The following ANKRD13C variants were observed in gnomAD, a reference collection of about 807,000 sequenced individuals.
The protein encoded by ANKRD13C is ankyrin repeat domain 13C, also known as ankyrin repeat domain-containing protein 13C.
ANKRD13C carries 16 observed loss-of-function variants against 65.5 expected under a neutral mutation model. The ratio of observed to expected loss-of-function variants is 0.24; its 90% CI spans 0.17 to 0.37. The LOEUF (loss-of-function observed/expected upper bound fraction) is 0.37. Ranked by LOEUF, ANKRD13C falls within the 10% of genes least tolerant of loss-of-function variation. ANKRD13C has a pLI of 1.00. For missense variants in ANKRD13C, 503 were observed against 655.9 expected, an observed-to-expected ratio of 0.77 and a Z score of 2.55; for synonymous variants, 235 against 238.7, an observed-to-expected ratio of 0.98 and a Z score of 0.14.
intron 8 of ANKRD13C, among the ~76,000 whole-genome samples, chr1:70,294,130 A>G (rs1307747056): frequency 4.6e-5 from 7 of 152,180 alleles, no homozygotes; most frequent in Non-Finnish European, 8.8e-5. Flanking sequence ...AAGAATGAGG[A>G]AAAAAAGCCA....
intron 7 of ANKRD13C, 77 bp from the exon 8 acceptor site, chr1:70,296,338 C>T (rs1680081088): frequency 7.2e-7 from 1 of 1,398,362 alleles, no homozygotes; most frequent in Admixed American, 2.2e-5. Context: ...AAAATATCAA[C>T]AATTATAATG....
At chr1:70,352,295 G>C (rs999252592) in intron 1 of ANKRD13C, among the ~76,000 whole-genome samples, 2 of 133,080 alleles carry the variant, frequency 1.5e-5, no homozygotes, top group Admixed American at 8.9e-5. Context: ...AGCGGAGATT[G>C]CACCACTGCA....
At chr1:70,309,259 A>G (rs966086460) in intron 5 of ANKRD13C, among the ~76,000 whole-genome samples, 2 of 151,494 alleles carry the variant, frequency 1.3e-5, no homozygotes, top group African/African-American at 4.8e-5. Flanking sequence ...TTTTTAGCAG[A>G]GATGGGTTTT....
intron 5 of ANKRD13C, among the ~76,000 whole-genome samples, chr1:70,308,105 T>C (rs2101413963): frequency 6.6e-6 from 1 of 152,292 alleles, no homozygotes; most frequent in South Asian, 2.1e-4. Flanking sequence ...GAACCAAAGA[T>C]GATTAAAAGT....
intron 6 of ANKRD13C, among the ~76,000 whole-genome samples, chr1:70,302,260 T>C (rs965354862): frequency 6.0e-5 from 9 of 150,000 alleles, no homozygotes; most frequent in Non-Finnish European, 1.3e-4. Context: ...GGTTGCCTTA[T>C]GTATCAAGAA....
intron 12 of ANKRD13C, among the ~76,000 whole-genome samples, chr1:70,268,181 CA>C (rs1330551546): frequency 1.3e-5 from 2 of 152,020 alleles, no homozygotes; most frequent in African/African-American, 4.8e-5. Flanking sequence ...TCCCCGCCCC[CA>C]CCTTGAGACA....
chr1:70,317,346 T>C (rs1330989587), intron 3 of ANKRD13C, among the ~76,000 whole-genome samples: 1 of 152,120 alleles, frequency 6.6e-6, no homozygotes, highest in Non-Finnish European at 1.5e-5. Context: ...CTGTGCCCAA[T>C]TGTTTGAGTT....
intron 1 of ANKRD13C, among the ~76,000 whole-genome samples, chr1:70,344,794 T>C (rs1410142542): frequency 1.3e-5 from 2 of 152,114 alleles, no homozygotes; most frequent in Non-Finnish European, 2.9e-5. Context: ...AAACCTTTTG[T>C]ATAGATATAT....
At position 70,319,911 on chromosome 1, in the gene ANKRD13C, TG is replaced by T. The variant is rs202181943; in HGVS notation, c.578-4346del. Among the ~76,000 whole-genome samples, 1,368 of 152,278 alleles carry T rather than the reference TG, an allele frequency of 9.0e-3. 22 individuals are homozygous for T. Among genetic ancestry groups the T allele is most frequent in the African/African-American group, 0.026 (1,072 of 41,562 alleles). On this transcript the variant is annotated intron_variant, in intron 3 of 12. Coordinates refer to ENST00000370944, the MANE Select transcript of ANKRD13C (RefSeq NM_030816.5). ...CAATATCAAAGTTAATGGCACATCC[TG>T]ACTATGTTTCTGACACATCTAGTAG...
chr1:70,281,484 C>G (rs1415222498), intron 9 of ANKRD13C, among the ~76,000 whole-genome samples: 1 of 149,982 alleles, frequency 6.7e-6, no homozygotes, highest in Non-Finnish European at 1.5e-5. Context: ...CAAACTGCAG[C>G]CATGACCTCC....
In ANKRD13C at chr1:70,262,943, T is replaced by TAAAAAAAAAAA. The variant is rs34241203; in HGVS notation, c.1496-107_1496-97dup. The TAAAAAAAAAAA allele has an allele frequency of 4.4e-4, 203 of 460,480 alleles. 3 individuals carry two copies. The highest frequency in any genetic ancestry group is 2.0e-3 in the Middle Eastern group (3 of 1,514). The allele number at this position is 460,480 out of a possible 1,614,324, so 28.5% of individuals were successfully genotyped here. ...GGAGATGTCCATACTCCTTAAAATG[T>TAAAAAAAAAAA]AAAAAAAAAAAAAAAAATACTCAAG... On this transcript the variant is annotated intron_variant, in intron 12 of 12. Coordinates refer to ENST00000370944, the MANE Select transcript of ANKRD13C (RefSeq NM_030816.5).
At chr1:70,350,473 G>A (rs1456915453) in intron 1 of ANKRD13C, among the ~76,000 whole-genome samples, 2 of 152,124 alleles carry the variant, frequency 1.3e-5, no homozygotes, top group Non-Finnish European at 2.9e-5. Flanking sequence ...AATATCTAAA[G>A]GGCTATCATG....
intron 3 of ANKRD13C, among the ~76,000 whole-genome samples, chr1:70,322,169 G>A (rs1006723206): frequency 1.3e-5 from 2 of 152,102 alleles, no homozygotes; most frequent in African/African-American, 4.8e-5. Flanking sequence ...ACAAAAATTA[G>A]TTGGGCACTG....
intron 6 of ANKRD13C, among the ~76,000 whole-genome samples, chr1:70,301,237 T>C (rs1364351182): frequency 6.7e-6 from 1 of 148,892 alleles, no homozygotes; most frequent in African/African-American, 2.6e-5. Flanking sequence ...ACATATTTCA[T>C]TGACCCAGAA....
rs772549160 is a variant in ANKRD13C at position 70,315,524 on chromosome 1, C to G, written c.620G>C (p.Ser207Thr). The change falls in exon 4 of 13, where the codon AGT becomes ACT. Residue 207 changes from serine to threonine, a missense_variant. This residue lies in a region of ANKRD13C where 300 missense variants were observed against 478.3 expected (regional missense o/e 0.63). Coordinates refer to ENST00000370944, the MANE Select transcript of ANKRD13C (RefSeq NM_030816.5). ...TAATCGAGGTCGTTTTTCTTCAACA[C>G]TTTCCCTGGATTGCTGCTTAAGCTT... ...LRKLKQQSRESVEEKRPRLLK... is the reference protein window; with the variant it reads ...LRKLKQQSRETVEEKRPRLLK... 3.7e-6 allele frequency: 6 copies of G among 1,609,220 alleles called. 1 individual carries two copies. The South Asian group carries it at 6.7e-5, about 18-fold the overall frequency.
intron 12 of ANKRD13C, among the ~76,000 whole-genome samples, 154 bp from the exon 13 acceptor site, chr1:70,263,001 G>C (rs758552319): frequency 6.9e-6 from 1 of 145,766 alleles, no homozygotes; most frequent in African/African-American, 2.6e-5. Flanking sequence ...GTAGTACTGA[G>C]TGTGTGTTTC....
intron 9 of ANKRD13C, among the ~76,000 whole-genome samples, chr1:70,281,307 T>C (rs1679376908): frequency 6.6e-6 from 1 of 152,052 alleles, no homozygotes; most frequent in Non-Finnish European, 1.5e-5. Context: ...AGAACCTCTC[T>C]TCCAAATTTT....
intron 5 of ANKRD13C, among the ~76,000 whole-genome samples, chr1:70,311,236 T>C (rs938605437): frequency 6.6e-6 from 1 of 152,120 alleles, no homozygotes; most frequent in African/African-American, 2.4e-5. Flanking sequence ...CTCACGCCTG[T>C]AATCCCTACA....
At chr1:70,333,758 T>C (rs1023008561) in intron 2 of ANKRD13C, among the ~76,000 whole-genome samples, 235 of 152,198 alleles carry the variant, frequency 1.5e-3, no homozygotes, top group African/African-American at 5.2e-3. Flanking sequence ...AAAAGGAGAA[T>C]ACCGCAGATA....
Sources: gnomAD v4.1 joint callset for allele counts (sites outside exome capture counted in the v4.1 genomes callset) on GRCh38, gnomAD v4.1.1 for gene constraint, gnomAD v4.1.1 regional missense constraint, MANE v1.5 for transcripts, NCBI Gene and HGNC (gene_info 2026-07-23, HGNC 2026-07-21) for gene names.